NDUFA5: variants seen among roughly 807,000 people sequenced by gnomAD.
NDUFA5 encodes the protein NADH:ubiquinone oxidoreductase subunit A5.
Under a neutral mutation model 19.8 loss-of-function variants are expected in NDUFA5, and 11 were observed. The ratio of observed to expected loss-of-function variants is 0.56; its 90% CI spans 0.35 to 0.92. NDUFA5 has a LOEUF of 0.92. Ranked by LOEUF, NDUFA5 falls within the 40% of genes least tolerant of loss-of-function variation. The pLI is 0.01. For synonymous variants in NDUFA5, 47 were observed against 46.8 expected (o/e 1.00, Z -0.01); for missense variants, 109 against 134.2 (o/e 0.81, Z 0.93).
chr7:123,593,834 A>G, the NDUFA5 span, among the ~76,000 whole-genome samples: 2 of 152,090 alleles, frequency 1.3e-5, no homozygotes, highest in Non-Finnish European at 2.9e-5. Context: ...CTGCCTTGCT[A>G]GGTTGGGGAA....
rs1020362676 is a variant in NDUFA5, at chr7:123,540,646, T to C, written c.*1473A>G. ...GGCCATTCTGAGAAACAGGCCAAAC[T>C]TGCCTCAATGTAGTCATTGAGTTAA... On this transcript the variant is annotated 3_prime_UTR_variant, in exon 5 of 5. Transcript: ENST00000355749. The C allele has an allele frequency of 6.6e-6, 1 of 152,044 alleles. No individual in the cohort carries two copies. The highest frequency in any genetic ancestry group is 1.5e-5 in the Non-Finnish European group (1 of 68,020). 9.4% of individuals were successfully genotyped at this position (152,044 alleles called of 1,614,324 possible).
the NDUFA5 span, among the ~76,000 whole-genome samples, chr7:123,593,857 A>C: frequency 9.2e-5 from 14 of 152,170 alleles, no homozygotes. Flanking sequence ...TCTCCTGGAT[A>C]ATAGCCTGAA....
At chr7:123,557,319 T>C (rs1367708222) in intron 2 of NDUFA5, 85 bp downstream of exon 2, 1 of 1,583,802 alleles carries the variant, frequency 6.3e-7, no homozygotes, top group South Asian at 1.1e-5. Context: ...AACATCTGTA[T>C]CCCGTTAACC....
chr7:123,548,245 AC>A (rs1798205685), intron 3 of NDUFA5, among the ~76,000 whole-genome samples: 1 of 152,220 alleles, frequency 6.6e-6, no homozygotes, highest in African/African-American at 2.4e-5. Flanking sequence ...AATCAGAGAT[AC>A]AACTGTTAAG....
Position 123,540,880 on chromosome 7 carries a change from G to C in NDUFA5, c.*1239C>G, listed in dbSNP as rs900957348. Reference sequence around the variant, plus strand: ...TTTTTCTCATTCTGAGCAAATGTGCGCATGCGCGTGCACACACACACACAC... The same window carrying C: ...TTTTTCTCATTCTGAGCAAATGTGCCCATGCGCGTGCACACACACACACAC... On this transcript the variant is annotated 3_prime_UTR_variant, in exon 5 of 5. Coordinates refer to ENST00000355749, the MANE Select transcript of NDUFA5 (RefSeq NM_005000.5). 1 of 118,238 alleles carries C rather than the reference G, an allele frequency of 8.5e-6. No homozygotes were observed. The highest frequency in any genetic ancestry group is 3.2e-5 in the African/African-American group (1 of 30,952). 7.3% of individuals were successfully genotyped at this position (118,238 alleles called of 1,614,324 possible).
intron 3 of NDUFA5, chr7:123,545,913 C>T: frequency 5.2e-6 from 2 of 381,344 alleles, no homozygotes; most frequent in Non-Finnish European, 4.7e-6. Flanking sequence ...GACAGAAATA[C>T]AATGTCAAAT....
chr7:123,542,084 C>A lies in NDUFA5; in HGVS notation c.*35G>T, dbSNP rs939996545. The stretch of plus-strand genomic sequence containing the variant: ...AATATAACAGAATATTTAATTACAT[C>A]AGTTTCCCATGAACACACCAAAGTC... On this transcript the variant is annotated 3_prime_UTR_variant, in exon 5 of 5. Coordinates refer to ENST00000355749, the MANE Select transcript of NDUFA5 (RefSeq NM_005000.5). 7.1e-7 allele frequency: 1 copy of A among 1,418,210 alleles called. No individual in the cohort carries two copies. Among genetic ancestry groups the A allele is most frequent in the African/African-American group, 1.4e-5 (1 of 69,172 alleles). 87.9% of individuals were successfully genotyped at this position (1,418,210 alleles called of 1,614,324 possible).
At chr7:123,581,414 T>TAAAA in the NDUFA5 span, among the ~76,000 whole-genome samples, 166 of 124,436 alleles carry the variant, frequency 1.3e-3, no homozygotes, top group South Asian at 6.1e-3. Flanking sequence ...AGTGAGCACT[T>TAAAA]AAAAAAAAAA....
At chr7:123,600,515 G>C in the NDUFA5 span, among the ~76,000 whole-genome samples, 2 of 152,092 alleles carry the variant, frequency 1.3e-5, no homozygotes, top group Non-Finnish European at 2.9e-5. Flanking sequence ...AAAAAAAGTT[G>C]TATAAAATTA....
At chr7:123,582,384 C>A in the NDUFA5 span, among the ~76,000 whole-genome samples, 4 of 151,900 alleles carry the variant, frequency 2.6e-5, no homozygotes. Flanking sequence ...CCCTAGTGCA[C>A]CCCAAAGAGA....
chr7:123,576,789 C>G, the NDUFA5 span, among the ~76,000 whole-genome samples: 6 of 152,176 alleles, frequency 3.9e-5, no homozygotes, highest in Non-Finnish European at 7.4e-5. Context: ...TGTCTAAGAT[C>G]TGCTGCCACT....
chr7:123,550,291 C>G (rs1332777947), intron 3 of NDUFA5, 179 bp downstream of exon 3: 3 of 534,870 alleles, frequency 5.6e-6, no homozygotes. Flanking sequence ...GTAACAGAGG[C>G]CTGCATATAG....
chr7:123,571,829 A>C, the NDUFA5 span, among the ~76,000 whole-genome samples: 1 of 152,130 alleles, frequency 6.6e-6, no homozygotes, highest in Non-Finnish European at 1.5e-5. Context: ...CAGTGGCATG[A>C]TCATGACTCA....
the NDUFA5 span, among the ~76,000 whole-genome samples, chr7:123,589,315 TATTATTATC>T: frequency 6.7e-6 from 1 of 149,978 alleles, no homozygotes; most frequent in Non-Finnish European, 1.5e-5. Flanking sequence ...TTATTATTAT[TATTATTATC>T]ATTATTATTA....
the NDUFA5 span, among the ~76,000 whole-genome samples, chr7:123,588,577 C>T: frequency 7.0e-6 from 1 of 143,608 alleles, no homozygotes. Context: ...CTTCCTTCCT[C>T]CCTTCCTTCC....
At chr7:123,545,329 T>C (rs1798090892) in intron 4 of NDUFA5, among the ~76,000 whole-genome samples, 1 of 152,150 alleles carries the variant, frequency 6.6e-6, no homozygotes, top group African/African-American at 2.4e-5. Flanking sequence ...AATATTGTGC[T>C]ACCAATTTAA....
chr7:123,592,295 C>T, the NDUFA5 span, among the ~76,000 whole-genome samples: 164 of 152,228 alleles, frequency 1.1e-3, 3 homozygotes, highest in East Asian at 0.025. Context: ...TTCAGTTCTG[C>T]TCCGATCTTA....
intron 2 of NDUFA5, 152 bp downstream of exon 2, chr7:123,557,252 G>A: frequency 9.7e-7 from 1 of 1,033,576 alleles, no homozygotes; most frequent in African/African-American, 1.6e-5. Flanking sequence ...GATCAACGAA[G>A]TAGGTGGACA....
rs1491234797 is a variant in NDUFA5 at position 123,540,882 on chromosome 7, A to ATGTGCG, written c.*1236_*1237insCGCACA. 9 of 90,306 alleles carry ATGTGCG rather than the reference A, an allele frequency of 1.0e-4. No homozygotes were observed. Among genetic ancestry groups the ATGTGCG allele is most frequent in the Non-Finnish European group, 1.3e-4 (6 of 46,394 alleles). The allele number at this position is 90,306 out of a possible 1,614,324, so 5.6% of individuals were successfully genotyped here. On this transcript the variant is annotated 3_prime_UTR_variant, in exon 5 of 5. Coordinates refer to ENST00000355749, the MANE Select transcript of NDUFA5 (RefSeq NM_005000.5). ...TTTCTCATTCTGAGCAAATGTGCGCATGCGCGTGCACACACACACACACAC... is the reference window on the plus strand; with the variant it reads ...TTTCTCATTCTGAGCAAATGTGCGCATGTGCGTGCGCGTGCACACACACACACACAC...
Sources: gnomAD v4.1 joint callset for allele counts (sites outside exome capture counted in the v4.1 genomes callset) on GRCh38, gnomAD v4.1.1 for gene constraint, MANE v1.5 for transcripts, NCBI Gene and HGNC (gene_info 2026-07-23, HGNC 2026-07-21) for gene names.